The following TEX9 variants were observed in gnomAD, a reference collection of about 807,000 sequenced individuals.
TEX9 encodes the protein testis-expressed protein 9.
In TEX9, 74 loss-of-function variants were observed where a neutral mutation model predicts 59.6. The observed-to-expected ratio is 1.24, with a 90% CI of 1.03 to 1.51. TEX9 has a LOEUF of 1.51. Among genes scored for constraint, TEX9 ranks in the 40% most tolerant of loss-of-function variants. The pLI, the probability that TEX9 is intolerant of heterozygous loss-of-function variation, is 0.00. For synonymous variants in TEX9, 186 were observed against 152.2 expected, an observed-to-expected ratio of 1.22 and a Z score of -1.64; for missense variants, 522 against 447.8, an observed-to-expected ratio of 1.17 and a Z score of -1.49.
intron 9 of TEX9, chr15:56,410,043 A>G (rs2049274776): frequency 2.6e-5 from 4 of 152,232 alleles, no homozygotes; most frequent in Admixed American, 2.6e-4. Context: ...CCCATCATAT[A>G]GAATAGTATC....
chr15:56,333,182 C>T (rs1222623944), intron 1 of TEX9, among the ~76,000 whole-genome samples: 1 of 152,044 alleles, frequency 6.6e-6, no homozygotes, highest in Non-Finnish European at 1.5e-5. Flanking sequence ...CAGTGTTACC[C>T]TGACACCAAA....
chr15:56,394,098 C>T, intron 7 of TEX9, 67 bp from the exon 8 acceptor site: 1 of 1,416,546 alleles, frequency 7.1e-7, no homozygotes, highest in Non-Finnish European at 9.7e-7. Context: ...AAGTAATGGT[C>T]TGTCTTACAA....
chr15:56,332,631 C>G (rs2046174159), intron 1 of TEX9, among the ~76,000 whole-genome samples: 1 of 141,880 alleles, frequency 7.0e-6, no homozygotes, highest in Non-Finnish European at 1.6e-5. Context: ...AAAAAAAGAA[C>G]TAGAAAAAGA....
chr15:56,261,918 A>G (rs1269834070), intron 1 of TEX9, among the ~76,000 whole-genome samples: 1 of 152,138 alleles, frequency 6.6e-6, no homozygotes, highest in African/African-American at 2.4e-5. Context: ...GGCTCACTGG[A>G]TGCCAGAGAA....
chr15:56,411,753 T>C (rs1478967366), intron 9 of TEX9, among the ~76,000 whole-genome samples: 1 of 152,170 alleles, frequency 6.6e-6, no homozygotes. Context: ...TCCTAGGATG[T>C]TTGCAGAAAT....
At chr15:56,376,648 A>G (rs550371582) in intron 3 of TEX9, among the ~76,000 whole-genome samples, 9 of 151,964 alleles carry the variant, frequency 5.9e-5, no homozygotes, top group African/African-American at 1.9e-4. Flanking sequence ...TGAGCTCCCT[A>G]TATTTTCTAC....
At chr15:56,350,421 G>A (rs1331236167) in intron 1 of TEX9, among the ~76,000 whole-genome samples, 1 of 152,116 alleles carries the variant, frequency 6.6e-6, no homozygotes, top group African/African-American at 2.4e-5. Flanking sequence ...AATGGGAAAG[G>A]CATTTGAAAT....
chr15:56,396,567 TG>T (rs1396367415), intron 9 of TEX9: 2 of 75,552 alleles, frequency 2.6e-5, no homozygotes, highest in African/African-American at 1.1e-4. Context: ...CTTTTGAATC[TG>T]TTTTTTTTTT....
chr15:56,416,343 G>A (rs866489093), intron 10 of TEX9, among the ~76,000 whole-genome samples: 6 of 151,906 alleles, frequency 3.9e-5, no homozygotes, highest in Non-Finnish European at 8.8e-5. Context: ...AATGTTGGCT[G>A]TGGGTTTGCC....
the TEX9 span, among the ~76,000 whole-genome samples, chr15:56,452,068 T>C: frequency 6.6e-6 from 1 of 152,224 alleles, no homozygotes; most frequent in Admixed American, 6.5e-5. Context: ...AGCTTATATC[T>C]TCTTTCTACT....
intron 1 of TEX9, among the ~76,000 whole-genome samples, chr15:56,254,468 G>C (rs779390071): frequency 6.6e-6 from 1 of 151,736 alleles, no homozygotes; most frequent in Admixed American, 6.6e-5. Flanking sequence ...AGAGCCAACA[G>C]ACAGAAGAGT....
At chr15:56,295,270 T>C (rs1482116622) in intron 1 of TEX9, among the ~76,000 whole-genome samples, 1 of 152,160 alleles carries the variant, frequency 6.6e-6, no homozygotes, top group Non-Finnish European at 1.5e-5. Flanking sequence ...GTTGAGAGCA[T>C]TATAGATAAT....
At chr15:56,323,966 AT>A (rs1205403405) in intron 1 of TEX9, among the ~76,000 whole-genome samples, 2 of 152,114 alleles carry the variant, frequency 1.3e-5, no homozygotes, top group African/African-American at 4.8e-5. Context: ...ACACTAATGG[AT>A]ATGTCTTTAG....
chr15:56,368,530 G>A (rs1262186474), intron 2 of TEX9, among the ~76,000 whole-genome samples: 10 of 152,010 alleles, frequency 6.6e-5, no homozygotes, highest in African/African-American at 2.2e-4. Context: ...TTGTGAAACT[G>A]TCTGAGTCTA....
At chr15:56,401,639 C>T (rs1195990075) in intron 9 of TEX9, among the ~76,000 whole-genome samples, 1 of 152,110 alleles carries the variant, frequency 6.6e-6, no homozygotes, top group African/African-American at 2.4e-5. Flanking sequence ...CAAAGCAGAC[C>T]TTATAGACAT....
intron 1 of TEX9, among the ~76,000 whole-genome samples, chr15:56,327,159 AT>A (rs1255463374): frequency 6.6e-6 from 1 of 152,176 alleles, no homozygotes; most frequent in African/African-American, 2.4e-5. Flanking sequence ...TATAACATTA[AT>A]TTGTAGTTGT....
At chr15:56,456,441 A>T in the TEX9 span, 4 of 1,611,934 alleles carry the variant, frequency 2.5e-6, no homozygotes, top group Non-Finnish European at 3.4e-6. Flanking sequence ...TTAGACTTTC[A>T]TGTTTCAGTT....
chr15:56,294,346 T>C (rs2045169128), intron 1 of TEX9, among the ~76,000 whole-genome samples: 2 of 152,310 alleles, frequency 1.3e-5, no homozygotes, highest in South Asian at 4.2e-4. Flanking sequence ...AGAAACACTC[T>C]CCTCTCACTC....
chr15:56,365,650 C>T (rs201403861), exon 2 of TEX9: 7 of 1,614,174 alleles, frequency 4.3e-6, no homozygotes, highest in African/African-American at 4.0e-5. Flanking sequence ...CCGACCTCCT[C>T]GCCTTGGAGG....
Sources: allele counts gnomAD v4.1 joint callset (sites outside exome capture counted in the v4.1 genomes callset), GRCh38; gene constraint gnomAD v4.1.1; transcripts MANE v1.5; gene names NCBI Gene and HGNC (gene_info 2026-07-23, HGNC 2026-07-21).